STK40: variants seen among roughly 807,000 people sequenced by gnomAD.
STK40 encodes serine/threonine kinase 40.
A neutral mutation model predicts 47.9 loss-of-function variants in STK40; 13 were observed. That is an observed-to-expected ratio of 0.27 (90% confidence interval 0.18 to 0.43). STK40 has a LOEUF of 0.43. Among genes scored for constraint, STK40 ranks in the 20% least tolerant of loss-of-function variants. STK40 has a pLI of 1.00. For missense variants in STK40, 460 were observed against 595.1 expected (o/e 0.77, Z 2.36); for synonymous variants, 225 against 243.2 (o/e 0.93, Z 0.69).
At chr1:36,351,110 CCA>C (rs1016276858) in intron 6 of STK40, among the ~76,000 whole-genome samples, 1 of 152,140 alleles carries the variant, frequency 6.6e-6, no homozygotes, top group African/African-American at 2.4e-5. Flanking sequence ...CTCTGGGCTG[CCA>C]CAGTGTTTTT....
intron 1 of STK40, among the ~76,000 whole-genome samples, chr1:36,366,468 G>A (rs1646902828): frequency 6.6e-6 from 1 of 152,162 alleles, no homozygotes; most frequent in African/African-American, 2.4e-5. Context: ...GGCAGGCCCA[G>A]AAAACCGGAA....
chr1:36,366,828 TTC>T (rs1197701030), intron 1 of STK40, among the ~76,000 whole-genome samples: 1 of 150,410 alleles, frequency 6.6e-6, no homozygotes, highest in African/African-American at 2.4e-5. Flanking sequence ...TTCTACATTC[TTC>T]TTCTTCTTTT....
chr1:36,349,530 C>T (rs1219886771), intron 6 of STK40, among the ~76,000 whole-genome samples: 1 of 152,170 alleles, frequency 6.6e-6, no homozygotes, highest in African/African-American at 2.4e-5. Flanking sequence ...CTGCCTCATG[C>T]CCAGATGTGT....
chr1:36,377,091 A>G lies in STK40; in HGVS notation c.-9+8632T>C, dbSNP rs541145178. On this transcript the variant is annotated intron_variant, in intron 1 of 10. Transcript: ENST00000373132. The stretch of plus-strand genomic sequence containing the variant: ...CAGCCTAGAAGAAATTTAAGTGGAC[A>G]CCTCCAGTCAATAGAACTAAGGGCC... Among the ~76,000 whole-genome samples, 4 of 152,042 alleles carry G rather than the reference A, an allele frequency of 2.6e-5. No individual in the cohort carries two copies. The South Asian group carries it at 8.3e-4, about 32-fold the overall frequency.
chr1:36,353,335 C>T (rs1646775915), intron 6 of STK40, among the ~76,000 whole-genome samples: 1 of 152,232 alleles, frequency 6.6e-6, no homozygotes, highest in African/African-American at 2.4e-5. Context: ...CCTGCTGGTC[C>T]TGGGTTCCTA....
chr1:36,357,154 T>C (rs1186860973), intron 4 of STK40, among the ~76,000 whole-genome samples: 1 of 152,228 alleles, frequency 6.6e-6, no homozygotes, highest in Non-Finnish European at 1.5e-5. Flanking sequence ...TCATTCATCG[T>C]CCCAACCACC....
chr1:36,369,827 G>C (rs926969294), intron 1 of STK40, among the ~76,000 whole-genome samples: 1 of 152,250 alleles, frequency 6.6e-6, no homozygotes, highest in African/African-American at 2.4e-5. Context: ...CGCAAAGCTG[G>C]AAGAGAACAC....
In STK40 at chr1:36,377,532, CAAA is replaced by C. The variant is rs746089027; in HGVS notation, c.-9+8188_-9+8190del. Among the ~76,000 whole-genome samples the C allele has an allele frequency of 8.5e-3, 302 of 35,438 alleles. 1 individual carries two copies. Among genetic ancestry groups the C allele is most frequent in the African/African-American group, 0.024 (291 of 12,298 alleles). The allele number at this position is 35,438 out of a possible 152,430, so 23.2% of individuals were successfully genotyped here. On this transcript the variant is annotated intron_variant, in intron 1 of 10. Coordinates refer to ENST00000373132, the MANE Select transcript of STK40 (RefSeq NM_001282547.2). Reference sequence around the variant, plus strand: ...TGGGCAACAGAGTGAGACTCCGTCTCAAAAAAAAAAAAAAAAAAAAAAAAAGTA... The same window carrying C: ...TGGGCAACAGAGTGAGACTCCGTCTCAAAAAAAAAAAAAAAAAAAAAAGTA...
chr1:36,352,931 C>T (rs185930075), intron 6 of STK40, among the ~76,000 whole-genome samples: 105 of 152,344 alleles, frequency 6.9e-4, no homozygotes, highest in African/African-American at 2.3e-3. Context: ...AGCATCGTCC[C>T]GATGGCCTCT....
At chr1:36,350,647 T>G (rs1321276289) in intron 6 of STK40, among the ~76,000 whole-genome samples, 3 of 152,168 alleles carry the variant, frequency 2.0e-5, no homozygotes, top group African/African-American at 7.2e-5. Flanking sequence ...TGGCAAATAG[T>G]AGAAGCTGGT....
chr1:36,365,134 G>T (rs749763282), intron 1 of STK40, among the ~76,000 whole-genome samples: 1 of 152,092 alleles, frequency 6.6e-6, no homozygotes, highest in Non-Finnish European at 1.5e-5. Context: ...GGGATTACAG[G>T]CATGTGCCAC....
intron 6 of STK40, among the ~76,000 whole-genome samples, chr1:36,350,797 G>A (rs538399709): frequency 2.0e-5 from 3 of 152,250 alleles, no homozygotes; most frequent in African/African-American, 7.2e-5. Context: ...CAACACTGCT[G>A]GTGGGACTTT....
chr1:36,359,018 G>A (rs1342453426), intron 2 of STK40, among the ~76,000 whole-genome samples, 196 bp from the exon 3 acceptor site: 1 of 152,210 alleles, frequency 6.6e-6, no homozygotes, highest in African/African-American at 2.4e-5. Context: ...TGTGTGCTCT[G>A]CCTGGAGCAC....
At position 36,340,792 on chromosome 1, in the gene STK40, C is replaced by T. The variant is rs1302411865; in HGVS notation, c.*963G>A. 6.6e-6 allele frequency: 1 copy of T among 152,352 alleles called. No individual in the cohort carries two copies. Among genetic ancestry groups the T allele is most frequent in the East Asian group, 1.9e-4 (1 of 5,194 alleles). 9.4% of individuals were successfully genotyped at this position (152,352 alleles called of 1,614,324 possible). A position where few individuals can be genotyped will look rare whatever the true frequency, so the allele number is the denominator to read the frequency against. ...GGCACTGGGATATGTTCCCACCATC[C>T]CCTAAACACAAGAGTAGGCTAGGGG... On this transcript the variant is annotated 3_prime_UTR_variant, in exon 11 of 11. Coordinates refer to ENST00000373132, the MANE Select transcript of STK40 (RefSeq NM_001282547.2).
chr1:36,381,079 A>G (rs1647035937), intron 1 of STK40, among the ~76,000 whole-genome samples: 1 of 151,944 alleles, frequency 6.6e-6, no homozygotes, highest in Non-Finnish European at 1.5e-5. Context: ...TTTCCCCCCA[A>G]ACAGCTCATC....
chr1:36,342,159 C>G (rs938282545), intron 10 of STK40, 186 bp from the exon 11 acceptor site: 10 of 609,592 alleles, frequency 1.6e-5, no homozygotes, highest in African/African-American at 1.5e-4. Context: ...CCCCCTCCAG[C>G]CAACCTCAAC....
Position 36,358,220 on chromosome 1 carries a change from GA to G in STK40, c.342+18del. On this transcript the variant is annotated intron_variant, in intron 4 of 10. Transcript: ENST00000373132. ...CCAGCCAGAGGTGAGCGCGAAGGGT[GA>G]GGGGGAAGGCCGCTCACCTGGAAGA... is the stretch of plus-strand genomic sequence containing the variant. 1.3e-6 allele frequency: 2 copies of G among 1,570,546 alleles called. No individual in the cohort carries two copies. Among genetic ancestry groups the G allele is most frequent in the Non-Finnish European group, 1.7e-6 (2 of 1,148,550 alleles).
chr1:36,368,400 A>G (rs1353764545), intron 1 of STK40, among the ~76,000 whole-genome samples: 2 of 152,110 alleles, frequency 1.3e-5, no homozygotes, highest in Non-Finnish European at 2.9e-5. Flanking sequence ...ACTGGCACAC[A>G]TTACCATACC....
chr1:36,363,626 G>A (rs565100902), intron 1 of STK40, among the ~76,000 whole-genome samples: 5 of 146,948 alleles, frequency 3.4e-5, no homozygotes, highest in African/African-American at 1.3e-4. Context: ...CTAACACTGT[G>A]AAACCCCGTC....
Sources: gnomAD v4.1 joint callset for allele counts (sites outside exome capture counted in the v4.1 genomes callset) on GRCh38, gnomAD v4.1.1 for gene constraint, MANE v1.5 for transcripts, NCBI Gene and HGNC (gene_info 2026-07-23, HGNC 2026-07-21) for gene names.